The following CLCNKB variants were observed in gnomAD, a reference collection of about 807,000 sequenced individuals.
The protein encoded by CLCNKB is chloride channel protein ClC-Kb.
In CLCNKB, 74 loss-of-function variants were observed where a neutral mutation model predicts 83.8. That is an observed-to-expected ratio of 0.88 (90% confidence interval 0.73 to 1.07). The LOEUF is 1.07. Ranked by LOEUF, CLCNKB falls within the 50% of genes least tolerant of loss-of-function variation. The probability of loss-of-function intolerance (pLI) is 0.00; values close to 1 mark genes in which losing one functional copy is unlikely to be tolerated. For missense variants in CLCNKB, 798 were observed against 893.6 expected, an observed-to-expected ratio of 0.89 and a Z score of 1.36; for synonymous variants, 358 against 356.6, an observed-to-expected ratio of 1.00 and a Z score of -0.04.
Position 16,051,721 on chromosome 1 carries a change from G to C in CLCNKB, c.1309G>C (p.Gly437Arg), listed in dbSNP as rs755714542. The C allele has an allele frequency of 6.2e-7, 1 of 1,613,862 alleles. No homozygotes were observed. The highest frequency in any genetic ancestry group is 8.5e-7 in the Non-Finnish European group (1 of 1,179,910). Residue 437 changes from glycine to arginine, a missense_variant, in exon 14 of 20, where the codon GGG (glycine) becomes CGG (arginine). Coordinates refer to ENST00000375679, the MANE Select transcript of CLCNKB (RefSeq NM_000085.5). ...AAGTCTGTGGCCAGGAGCTGCTATC[G>C]GGCGCCTCTTTGGGGAGACTCTCTC... ...MPIFVYGAAIGRLFGETLSFI... is the reference protein window; with the variant it reads ...MPIFVYGAAIRRLFGETLSFI...
intron 15 of CLCNKB, among the ~76,000 whole-genome samples, chr1:16,052,681 G>A (rs1415937241): frequency 2.6e-5 from 4 of 152,288 alleles, no homozygotes; most frequent in East Asian, 1.9e-4. Flanking sequence ...AGGAAACCGG[G>A]GCTCAGAGAG....
intron 11 of CLCNKB, 133 bp from the exon 12 acceptor site, chr1:16,050,742 G>T: frequency 6.6e-7 from 1 of 1,510,440 alleles, no homozygotes; most frequent in Non-Finnish European, 9.1e-7. Flanking sequence ...GCTTCGGGAG[G>T]TCAGAGCCCT....
At chr1:16,044,439 G>T (rs551608685) in intron 1 of CLCNKB, 47 bp from the exon 2 acceptor site, 1 of 1,497,512 alleles carries the variant, frequency 6.7e-7, no homozygotes, top group Admixed American at 2.0e-5. Context: ...GCAGTGCGAG[G>T]ACGTGCAGCA....
chr1:16,047,630 G>A (rs2023139423), intron 4 of CLCNKB, among the ~76,000 whole-genome samples: 1 of 152,016 alleles, frequency 6.6e-6, no homozygotes, highest in Admixed American at 6.6e-5. Flanking sequence ...TAAGGTGGGC[G>A]AAGTGGTCTC....
In CLCNKB at chr1:16,055,427, C is replaced by T. The variant is rs2023406768; in HGVS notation, c.1757-8C>T. ...GTGCCTCCCTCTGGCTGTCTCTCCACTTGCCAGAGTCCCAGATCCTGGTGG... is the reference window on the plus strand; with the variant it reads ...GTGCCTCCCTCTGGCTGTCTCTCCATTTGCCAGAGTCCCAGATCCTGGTGG... On this transcript the variant is annotated splice_region_variant and splice_polypyrimidine_tract_variant and intron_variant, in intron 16 of 19. Coordinates refer to ENST00000375679, the MANE Select transcript of CLCNKB (RefSeq NM_000085.5). 1 of 1,612,342 alleles carries T rather than the reference C, an allele frequency of 6.2e-7. No individual in the cohort carries two copies. Among genetic ancestry groups the T allele is most frequent in the Admixed American group, 1.7e-5 (1 of 59,996 alleles).
Position 16,049,178 on chromosome 1 carries a change from G to A in CLCNKB, c.714G>A (p.Arg238=). The change falls in exon 8 of 20, where the codon AGG becomes AGA. Residue 238 remains arginine, a synonymous_variant. Transcript: ENST00000375679. The part of the protein sequence containing the change: ...SSHFSVWDYW[R]GFFAATCGAF... ...ACTTCTCTGTCTGGGATTACTGGAG[G>A]GGCTTCTTTGCGGCCACCTGCGGGG... 1 of 1,613,532 alleles carries A rather than the reference G, an allele frequency of 6.2e-7. No homozygotes were observed. Among genetic ancestry groups the A allele is most frequent in the South Asian group, 1.1e-5 (1 of 91,058 alleles).
At chr1:16,045,421 G>C (rs1425290472) in intron 2 of CLCNKB, 137 bp from the exon 3 acceptor site, 3 of 1,040,434 alleles carry the variant, frequency 2.9e-6, no homozygotes, top group Non-Finnish European at 1.4e-6. Flanking sequence ...GGGCCCCCTC[G>C]GGACTACCCC....
At chr1:16,050,142 A>T (rs1350285590) in intron 10 of CLCNKB, among the ~76,000 whole-genome samples, 1 of 120,900 alleles carries the variant, frequency 8.3e-6, no homozygotes, top group African/African-American at 3.2e-5. Context: ...CCTGGAGTCT[A>T]TACCCCCTCA....
Position 16,052,189 on chromosome 1 carries a change from C to A in CLCNKB, c.1409-9C>A. ...GCCTGAGCTGCCCTGCCTGACTCTG[C>A]CCTTGCAGGGGCTGCAGCCTTCTCA... On this transcript the variant is annotated splice_polypyrimidine_tract_variant and intron_variant, in intron 14 of 19. Coordinates refer to ENST00000375679, the MANE Select transcript of CLCNKB (RefSeq NM_000085.5). The A allele has an allele frequency of 6.2e-7, 1 of 1,612,780 alleles. No individual in the cohort carries two copies.
chr1:16,045,536 G>T (rs1246716992), intron 2 of CLCNKB, 22 bp from the exon 3 acceptor site: 2 of 1,611,122 alleles, frequency 1.2e-6, no homozygotes, highest in Non-Finnish European at 8.5e-7. Context: ...ACCCTGTGCC[G>T]TGACCCCATG....
At chr1:16,052,469 G>A in intron 15 of CLCNKB, 58 bp downstream of exon 15, 1 of 1,609,686 alleles carries the variant, frequency 6.2e-7, no homozygotes, top group Non-Finnish European at 8.5e-7. Context: ...GGAAGGGCTG[G>A]GGTGAAGGGC....
chr1:16,047,469 C>G (rs1340137196), intron 4 of CLCNKB, among the ~76,000 whole-genome samples: 1 of 151,806 alleles, frequency 6.6e-6, no homozygotes, highest in African/African-American at 2.4e-5. Context: ...AACAAACAAA[C>G]AAACAAACAA....
intron 1 of CLCNKB, 52 bp downstream of exon 1, chr1:16,043,932 CGGGGGG>C (rs140434107): frequency 6.0e-5 from 6 of 100,232 alleles, no homozygotes; most frequent in Admixed American, 2.9e-4. Context: ...ACAGGCAGGG[CGGGGGG>C]GGGGGGGTGG....
At chr1:16,049,432 G>T (rs547152726) in intron 8 of CLCNKB, among the ~76,000 whole-genome samples, 186 bp from the exon 9 acceptor site, 1 of 152,280 alleles carries the variant, frequency 6.6e-6, no homozygotes, top group East Asian at 1.9e-4. Flanking sequence ...AAGGGCAGGG[G>T]CCCTGAGGGT....
At chr1:16,050,347 C>A (rs1370532283) in intron 10 of CLCNKB, among the ~76,000 whole-genome samples, 169 bp from the exon 11 acceptor site, 3 of 152,158 alleles carry the variant, frequency 2.0e-5, no homozygotes, top group African/African-American at 7.2e-5. Context: ...CCTAAAAATA[C>A]CCAGGAGTGT....
At chr1:16,048,293 C>A (rs1557467879) in intron 5 of CLCNKB, 50 bp from the exon 6 acceptor site, 2 of 1,602,818 alleles carry the variant, frequency 1.2e-6, no homozygotes, top group Non-Finnish European at 1.7e-6. Context: ...CTGGGTGAGA[C>A]CGTCTCTGCT....
chr1:16,054,283 G>T (rs918805678), intron 16 of CLCNKB, among the ~76,000 whole-genome samples: 7 of 152,288 alleles, frequency 4.6e-5, no homozygotes, highest in African/African-American at 1.7e-4. Context: ...GGGTTGGGGG[G>T]TAACCCTGCT....
In CLCNKB at chr1:16,056,848, C is replaced by T. The variant is rs367764752; in HGVS notation, c.2017-21C>T. On this transcript the variant is annotated intron_variant, in intron 19 of 19. Transcript: ENST00000375679. Reference sequence around the variant, plus strand: ...CCTCCTCTACATCCCCCCGCACCTCCACCCCCTTTCTCTGTTCTAGATGAA... The same window carrying T: ...CCTCCTCTACATCCCCCCGCACCTCTACCCCCTTTCTCTGTTCTAGATGAA... 7.3e-5 allele frequency: 88 copies of T among 1,205,208 alleles called. No individual in the cohort carries two copies. The South Asian group carries it at 8.5e-4, about 12-fold the overall frequency. 74.7% of individuals were successfully genotyped at this position (1,205,208 alleles called of 1,614,324 possible).
chr1:16,049,462 A>T (rs1307121038), intron 8 of CLCNKB, among the ~76,000 whole-genome samples, 156 bp from the exon 9 acceptor site: 1 of 152,140 alleles, frequency 6.6e-6, no homozygotes, highest in East Asian at 1.9e-4. Context: ...GAGGCTGGGC[A>T]GGGAGGCAGG....
Sources: gnomAD v4.1 joint callset for allele counts (sites outside exome capture counted in the v4.1 genomes callset) on GRCh38, gnomAD v4.1.1 for gene constraint, MANE v1.5 for transcripts, NCBI Gene and HGNC (gene_info 2026-07-23, HGNC 2026-07-21) for gene names.